Variants in CRYZL1 observed in about 807,000 individuals in gnomAD.
CRYZL1 encodes the protein ferry endosomal RAB5 effector complex subunit 4.
A neutral mutation model predicts 50.6 loss-of-function variants in CRYZL1; 34 were observed. The ratio of observed to expected loss-of-function variants is 0.67; its 90% CI spans 0.51 to 0.89. The LOEUF (loss-of-function observed/expected upper bound fraction) is 0.89, where lower values mean the gene tolerates loss of function less well. CRYZL1 is among the 40% of genes least tolerant of loss of function. The pLI is 0.00. For synonymous variants in CRYZL1, 125 were observed against 134.3 expected (o/e 0.93, Z 0.48); for missense variants, 354 against 402.3 (o/e 0.88, Z 1.03).
intron 6 of CRYZL1, among the ~76,000 whole-genome samples, chr21:33,607,194 T>C (rs1313907442): frequency 1.3e-5 from 2 of 152,162 alleles, no homozygotes; most frequent in Non-Finnish European, 2.9e-5. Flanking sequence ...ACAAAAGAGT[T>C]GGAAGAATTA....
At chr21:33,617,817 C>A (rs749146159) in intron 4 of CRYZL1, among the ~76,000 whole-genome samples, 2 of 152,100 alleles carry the variant, frequency 1.3e-5, no homozygotes, top group African/African-American at 2.4e-5. Context: ...CAGGGCGTGG[C>A]GCTGGGCTGT....
intron 1 of CRYZL1, among the ~76,000 whole-genome samples, chr21:33,637,989 AT>A (rs2087230825): frequency 6.6e-6 from 1 of 150,858 alleles, no homozygotes; most frequent in African/African-American, 2.5e-5. Flanking sequence ...CTTCAGTTAT[AT>A]TTTGATCATT....
rs200366314 is a variant in CRYZL1 at position 33,603,510 on chromosome 21, G to T, written c.359C>A (p.Thr120Lys). ...LVHKPEKVTW[T>K]EAAGSIRDGV... Reference sequence around the variant, plus strand: ...ATCCCGAATGCTTCCTGCTGCTTCCGTCCATGTGACCTTTTCTGGTTTATG... The same window carrying T: ...ATCCCGAATGCTTCCTGCTGCTTCCTTCCATGTGACCTTTTCTGGTTTATG... Residue 120 changes from threonine to lysine, a missense_variant, in exon 7 of 13, where the codon ACG becomes AAG. Physicochemically the swap from Thr to Lys is moderately conservative, Grantham distance 78. Coordinates refer to ENST00000381554, the MANE Select transcript of CRYZL1 (RefSeq NM_145858.3). 6.2e-7 allele frequency: 1 copy of T among 1,613,920 alleles called. No homozygotes were observed. The highest frequency in any genetic ancestry group is 8.5e-7 in the Non-Finnish European group (1 of 1,180,050).
At chr21:33,589,984 G>C in intron 12 of CRYZL1, 63 bp from the exon 13 acceptor site, 1 of 933,528 alleles carries the variant, frequency 1.1e-6, no homozygotes, top group Non-Finnish European at 1.7e-6. Context: ...AAACAGGGTG[G>C]TATATGACAA....
intron 8 of CRYZL1, among the ~76,000 whole-genome samples, chr21:33,600,845 T>C (rs763038517): frequency 4.0e-5 from 6 of 150,624 alleles, no homozygotes; most frequent in Non-Finnish European, 7.4e-5. Flanking sequence ...GCCAGTATGG[T>C]CTCCATCTCT....
rs112843664 is a variant in CRYZL1, at chr21:33,611,035, G to A, written c.331+2503C>T. Among the ~76,000 whole-genome samples, 827 of 151,862 alleles carry A rather than the reference G, an allele frequency of 5.4e-3. 10 individuals carry two copies. Among genetic ancestry groups the A allele is most frequent in the African/African-American group, 0.019 (797 of 41,480 alleles). Reference sequence around the variant, plus strand: ...CATGAGCCACCGCGCCCAGCCAATTGTTGTTGTTTTTAATAATTTATCTTC... The same window carrying A: ...CATGAGCCACCGCGCCCAGCCAATTATTGTTGTTTTTAATAATTTATCTTC... On this transcript the variant is annotated intron_variant, in intron 6 of 12. Coordinates refer to ENST00000381554, the MANE Select transcript of CRYZL1 (RefSeq NM_145858.3).
At chr21:33,623,143 T>C (rs2145949696) in intron 3 of CRYZL1, among the ~76,000 whole-genome samples, 1 of 152,142 alleles carries the variant, frequency 6.6e-6, no homozygotes, top group Non-Finnish European at 1.5e-5. Context: ...TTTTTGTATT[T>C]TTAGTAGAGA....
intron 4 of CRYZL1, chr21:33,617,142 G>A (rs1056825721): frequency 3.8e-5 from 6 of 158,710 alleles, no homozygotes; most frequent in Non-Finnish European, 5.5e-5. Flanking sequence ...CCAGCCTCCC[G>A]AGTGGCTGGG....
chr21:33,603,581 C>A, intron 6 of CRYZL1, 44 bp from the exon 7 acceptor site: 1 of 1,608,094 alleles, frequency 6.2e-7, no homozygotes, highest in Non-Finnish European at 8.5e-7. Flanking sequence ...GCAAGTCCCA[C>A]AAGTCCTACC....
At chr21:33,606,417 G>A (rs944193982) in intron 6 of CRYZL1, among the ~76,000 whole-genome samples, 14 of 152,076 alleles carry the variant, frequency 9.2e-5, no homozygotes, top group Non-Finnish European at 5.9e-5. Flanking sequence ...CCTGAGGTCA[G>A]GAGTTTGAGA....
chr21:33,630,281 A>G (rs961466901), intron 2 of CRYZL1, among the ~76,000 whole-genome samples: 4 of 152,122 alleles, frequency 2.6e-5, no homozygotes, highest in African/African-American at 9.7e-5. Flanking sequence ...ATGTTCCTCA[A>G]AAAATTAAAA....
At chr21:33,612,364 G>A (rs574127503) in intron 6 of CRYZL1, among the ~76,000 whole-genome samples, 3 of 149,848 alleles carry the variant, frequency 2.0e-5, no homozygotes, top group South Asian at 4.2e-4. Flanking sequence ...TCGGCTCCCT[G>A]TAACCTCCAC....
rs2086622442 is a variant in CRYZL1 at position 33,589,718 on chromosome 21, A to C, written c.*104T>G. On this transcript the variant is annotated 3_prime_UTR_variant, in exon 13 of 13. Coordinates refer to ENST00000381554, the MANE Select transcript of CRYZL1 (RefSeq NM_145858.3). ...AGCAGAGAAACGTGCTTAAAAATGC[A>C]ACTTGTTTTATCTTCCTTGGTTTTT... 1.4e-6 allele frequency: 1 copy of C among 733,574 alleles called. No individual in the cohort carries two copies. Among genetic ancestry groups the C allele is most frequent in the Non-Finnish European group, 2.4e-6 (1 of 425,054 alleles). The allele number at this position is 733,574 out of a possible 1,614,324, so 45.4% of individuals were successfully genotyped here. A position where few individuals can be genotyped will look rare whatever the true frequency, so the allele number is the denominator to read the frequency against.
At chr21:33,602,460 T>G in intron 7 of CRYZL1, 115 bp from the exon 8 acceptor site, 1 of 459,250 alleles carries the variant, frequency 2.2e-6, no homozygotes, top group East Asian at 3.3e-5. Flanking sequence ...TTAGTATATT[T>G]TAAAATGTTA....
rs2087134209 is a variant in CRYZL1 at position 33,631,251 on chromosome 21, C to G, written c.66+235G>C. Among the ~76,000 whole-genome samples, 3 of 152,070 alleles carry G rather than the reference C, an allele frequency of 2.0e-5. 1 individual carries two copies. The highest frequency in any genetic ancestry group is 4.2e-4 in the South Asian group (2 of 4,812). ...TGAATCAAAACATCACAGGGTACCC[C>G]ATAAATATGTACAATTATGTGCCAA... On this transcript the variant is annotated intron_variant, in intron 2 of 12. Coordinates refer to ENST00000381554, the MANE Select transcript of CRYZL1 (RefSeq NM_145858.3).
intron 6 of CRYZL1, among the ~76,000 whole-genome samples, chr21:33,609,859 C>A (rs564841130): frequency 6.6e-6 from 1 of 151,826 alleles, no homozygotes; most frequent in Admixed American, 6.6e-5. Flanking sequence ...CCTGCCACCA[C>A]GCCCGGCTAA....
chr21:33,612,836 CT>C (rs1555905212), intron 6 of CRYZL1, among the ~76,000 whole-genome samples: 5 of 151,194 alleles, frequency 3.3e-5, no homozygotes, highest in South Asian at 2.1e-4. Flanking sequence ...GATAAGTGCT[CT>C]TTTTTTTTCT....
chr21:33,624,858 T>C, intron 2 of CRYZL1, 98 bp from the exon 3 acceptor site: 1 of 1,452,054 alleles, frequency 6.9e-7, no homozygotes. Flanking sequence ...TTAAACAAAA[T>C]TAGACAGACC....
intron 8 of CRYZL1, among the ~76,000 whole-genome samples, chr21:33,601,729 C>T (rs1374459802): frequency 6.6e-6 from 1 of 152,060 alleles, no homozygotes; most frequent in Non-Finnish European, 1.5e-5. Context: ...CCAGCCTAGG[C>T]AACATGGCTA....
Sources: gnomAD v4.1 joint callset for allele counts (sites outside exome capture counted in the v4.1 genomes callset) on GRCh38, gnomAD v4.1.1 for gene constraint, MANE v1.5 for transcripts, NCBI Gene and HGNC (gene_info 2026-07-23, HGNC 2026-07-21) for gene names.